HTR1F: variants seen among roughly 807,000 people sequenced by gnomAD.
The protein encoded by HTR1F is 5-hydroxytryptamine (serotonin) receptor 1F, G protein-coupled.
A neutral mutation model predicts 24.0 loss-of-function variants in HTR1F; 17 were observed. The ratio of observed to expected loss-of-function variants is 0.71; its 90% CI spans 0.48 to 1.06. The LOEUF is 1.06. Among genes scored for constraint, HTR1F ranks in the 50% least tolerant of loss-of-function variants. The pLI is 0.00. For missense variants in HTR1F, 391 were observed against 427.8 expected (o/e 0.91, Z 0.76); for synonymous variants, 186 against 156.8 (o/e 1.19, Z -1.39).
intron 2 of HTR1F, among the ~76,000 whole-genome samples, chr3:87,976,775 C>T (rs1044502317): frequency 1.1e-4 from 16 of 152,098 alleles, no homozygotes; most frequent in African/African-American, 3.1e-4. Flanking sequence ...ATATCTTGCA[C>T]GTAGTTAAAT....
Position 87,954,530 on chromosome 3 carries a change from A to G in HTR1F, c.-42-36178A>G, listed in dbSNP as rs1704903145. 2.0e-5 allele frequency among the ~76,000 whole-genome samples: 3 copies of G among 151,848 alleles called. No individual in the cohort carries two copies. In the South Asian group the frequency reaches 6.2e-4, roughly 31 times the overall value. On this transcript the variant is annotated intron_variant, in intron 2 of 2. Coordinates refer to ENST00000319595, the MANE Select transcript of HTR1F (RefSeq NM_001322209.2). ...AAAATAGAGAAATATTATGAACTTCAACAATGTAAAAGTAGAAATTCTATA... is the reference window on the plus strand; with the variant it reads ...AAAATAGAGAAATATTATGAACTTCGACAATGTAAAAGTAGAAATTCTATA...
At chr3:87,970,317 A>T (rs1444603287) in intron 2 of HTR1F, among the ~76,000 whole-genome samples, 2 of 152,198 alleles carry the variant, frequency 1.3e-5, no homozygotes, top group Non-Finnish European at 2.9e-5. Context: ...AAACACATTG[A>T]TGAGTTTCAT....
At chr3:87,931,578 T>C (rs932108591) in intron 2 of HTR1F, among the ~76,000 whole-genome samples, 6 of 152,162 alleles carry the variant, frequency 3.9e-5, no homozygotes, top group African/African-American at 1.2e-4. Flanking sequence ...ATGGGATGGC[T>C]GGATCAAATG....
At position 87,809,400 on chromosome 3, in the gene HTR1F, A is replaced by T. The variant is rs1489014599; in HGVS notation, c.-159-12608A>T. The stretch of plus-strand genomic sequence containing the variant: ...TTTTAAGAAGCGATTTCAAACAGGA[A>T]TATTTGGAGTTTTTGTGTTTAAATA... On this transcript the variant is annotated intron_variant, in intron 1 of 2. Coordinates refer to ENST00000319595, the MANE Select transcript of HTR1F (RefSeq NM_001322209.2). Among the ~76,000 whole-genome samples, 3 of 151,984 alleles carry T rather than the reference A, an allele frequency of 2.0e-5. No homozygotes were observed. The East Asian group carries it at 5.8e-4, about 29-fold the overall frequency.
intron 2 of HTR1F, among the ~76,000 whole-genome samples, chr3:87,824,957 G>A (rs1054693891): frequency 1.8e-4 from 27 of 151,930 alleles, no homozygotes; most frequent in Admixed American, 1.5e-3. Flanking sequence ...TTACACTGAC[G>A]AACAGATTTT....
At chr3:87,989,552 AT>A (rs948441034) in intron 2 of HTR1F, among the ~76,000 whole-genome samples, 3 of 151,938 alleles carry the variant, frequency 2.0e-5, no homozygotes, top group Non-Finnish European at 4.4e-5. Context: ...GGATATACTA[AT>A]TTTTTTTGCT....
chr3:87,964,651 G>T (rs151075736), intron 2 of HTR1F, among the ~76,000 whole-genome samples: 2 of 152,262 alleles, frequency 1.3e-5, no homozygotes, highest in Non-Finnish European at 2.9e-5. Flanking sequence ...GAAAACAGAG[G>T]GTTAGTAAAG....
chr3:87,979,548 T>G (rs1705496208), intron 2 of HTR1F, among the ~76,000 whole-genome samples: 1 of 152,184 alleles, frequency 6.6e-6, no homozygotes, highest in African/African-American at 2.4e-5. Flanking sequence ...CCACAGATCC[T>G]GGATGAGCCC....
At chr3:87,836,305 G>C (rs1215250725) in intron 2 of HTR1F, among the ~76,000 whole-genome samples, 3 of 152,114 alleles carry the variant, frequency 2.0e-5, no homozygotes, top group Non-Finnish European at 4.4e-5. Flanking sequence ...CATTCATTGA[G>C]ATGTTGGGTT....
intron 2 of HTR1F, among the ~76,000 whole-genome samples, chr3:87,964,418 GTAA>G (rs1705122683): frequency 6.6e-6 from 1 of 152,076 alleles, no homozygotes; most frequent in South Asian, 2.1e-4. Flanking sequence ...GTAGTTTGGA[GTAA>G]TCGCTCCTTT....
chr3:87,961,416 A>G (rs902474006), intron 2 of HTR1F, among the ~76,000 whole-genome samples: 4 of 152,072 alleles, frequency 2.6e-5, no homozygotes, highest in Non-Finnish European at 5.9e-5. Flanking sequence ...TAAATTAGAG[A>G]TTTAAAGTAG....
intron 2 of HTR1F, among the ~76,000 whole-genome samples, chr3:87,932,244 G>A (rs1016336021): frequency 6.6e-6 from 1 of 152,126 alleles, no homozygotes; most frequent in Admixed American, 6.5e-5. Context: ...AAGGGATCCA[G>A]TTTCAGCCTT....
chr3:87,973,679 A>T (rs907722735), intron 2 of HTR1F, among the ~76,000 whole-genome samples: 2 of 152,000 alleles, frequency 1.3e-5, no homozygotes, highest in African/African-American at 2.4e-5. Context: ...GTGAGAAAAT[A>T]AAAATAAAAA....
intron 2 of HTR1F, among the ~76,000 whole-genome samples, chr3:87,830,389 G>GGTA (rs1704550920): frequency 6.6e-6 from 1 of 152,266 alleles, no homozygotes; most frequent in East Asian, 1.9e-4. Flanking sequence ...TGAAGTAAAT[G>GGTA]AAGTAGTGGT....
chr3:87,966,593 T>C (rs1260630786), intron 2 of HTR1F, among the ~76,000 whole-genome samples: 1 of 152,222 alleles, frequency 6.6e-6, no homozygotes, highest in Admixed American at 6.5e-5. Context: ...GATATATTAG[T>C]TAAATTTTAA....
At chr3:87,808,649 T>A (rs1322659183) in intron 1 of HTR1F, among the ~76,000 whole-genome samples, 1 of 151,918 alleles carries the variant, frequency 6.6e-6, no homozygotes, top group Non-Finnish European at 1.5e-5. Context: ...TTCTTTCTAC[T>A]TATTTGGGGT....
intron 2 of HTR1F, among the ~76,000 whole-genome samples, chr3:87,954,877 G>A (rs1302887312): frequency 1.3e-5 from 2 of 151,344 alleles, no homozygotes; most frequent in African/African-American, 4.8e-5. Context: ...TCATTTTCCT[G>A]TTTTCAACCC....
At chr3:87,949,837 C>T (rs1704794219) in intron 2 of HTR1F, among the ~76,000 whole-genome samples, 2 of 152,170 alleles carry the variant, frequency 1.3e-5, no homozygotes, top group South Asian at 2.1e-4. Flanking sequence ...CCTCACCGTT[C>T]CCAGTTTGAA....
intron 2 of HTR1F, among the ~76,000 whole-genome samples, chr3:87,969,576 G>A (rs1258811755): frequency 6.6e-6 from 1 of 152,186 alleles, no homozygotes; most frequent in African/African-American, 2.4e-5. Context: ...TACCCCTACT[G>A]TATCTAGGAA....
Sources: gnomAD v4.1 joint callset for allele counts (sites outside exome capture counted in the v4.1 genomes callset) on GRCh38, gnomAD v4.1.1 for gene constraint, MANE v1.5 for transcripts, NCBI Gene and HGNC (gene_info 2026-07-23, HGNC 2026-07-21) for gene names.